The following SYT11 variants were observed in gnomAD, a reference collection of about 807,000 sequenced individuals.
SYT11 encodes synaptotagmin 11, also known as synaptotagmin-11.
Under a neutral mutation model 30.4 loss-of-function variants are expected in SYT11, and 12 were observed. The ratio of observed to expected loss-of-function variants is 0.39; its 90% CI spans 0.25 to 0.64. The LOEUF is 0.64. SYT11 is among the 30% of genes least tolerant of loss of function. The pLI is 0.45. For missense variants in SYT11, 412 were observed against 552.0 expected (o/e 0.75, Z 2.54); for synonymous variants, 204 against 216.0 (o/e 0.94, Z 0.49).
intron 2 of SYT11, among the ~76,000 whole-genome samples, chr1:155,879,347 G>A (rs1388573776): frequency 6.6e-6 from 1 of 152,070 alleles, no homozygotes; most frequent in Non-Finnish European, 1.5e-5. Context: ...AACCTGGGAG[G>A]CAGAGGTTGC....
intron 2 of SYT11, among the ~76,000 whole-genome samples, chr1:155,871,971 T>C (rs1161064092): frequency 6.6e-6 from 1 of 152,028 alleles, no homozygotes; most frequent in Admixed American, 6.6e-5. Context: ...CCCTGGACCA[T>C]GCCACACTGG....
chr1:155,876,359 C>A (rs1672861195), intron 2 of SYT11, among the ~76,000 whole-genome samples: 1 of 150,596 alleles, frequency 6.6e-6, no homozygotes, highest in Non-Finnish European at 1.5e-5. Context: ...CATTCTCCTG[C>A]CTCAGCCTCC....
At chr1:155,879,752 C>T (rs1672931466) in intron 2 of SYT11, among the ~76,000 whole-genome samples, 1 of 152,238 alleles carries the variant, frequency 6.6e-6, no homozygotes, top group South Asian at 2.1e-4. Flanking sequence ...ATAGTGCGCA[C>T]TATGTGCTGG....
Position 155,881,534 on chromosome 1 carries a change from C to A in SYT11, c.*26C>A. On this transcript the variant is annotated 3_prime_UTR_variant, in exon 4 of 4. Coordinates refer to ENST00000368324, the MANE Select transcript of SYT11 (RefSeq NM_152280.5). ...TCCTGTTCTTCTCTCCTCTAATCCC[C>A]GGGGGCCAAGCTGGGGAGGGATGTG... 2 of 1,558,124 alleles carry A rather than the reference C, an allele frequency of 1.3e-6. No individual in the cohort carries two copies. The highest frequency in any genetic ancestry group is 1.9e-5 in the Admixed American group (1 of 53,776).
Position 155,868,239 on chromosome 1 carries a change from G to T in SYT11, c.309G>T (p.Leu103=), listed in dbSNP as rs773101058. 2 of 1,614,136 alleles carry T rather than the reference G, an allele frequency of 1.2e-6. No individual in the cohort carries two copies. The highest frequency in any genetic ancestry group is 1.7e-6 in the Non-Finnish European group (2 of 1,180,020). ...NLLVDAAEAG[L]LSRDKDPRGP... ...TGGTGGACGCAGCAGAGGCTGGCCT[G>T]CTAAGCCGAGACAAAGATCCCAGGG... Residue 103 remains leucine (L), a synonymous_variant, in exon 2 of 4, where the codon CTG becomes CTT. Coordinates refer to ENST00000368324, the MANE Select transcript of SYT11 (RefSeq NM_152280.5). This position sits in a 1 kb window ranked among gnomAD's most constrained non-coding sequence, Gnocchi z 4.7.
chr1:155,868,714 A>C lies in SYT11; in HGVS notation c.784A>C (p.Met262Leu). The change falls in exon 2 of 4, where the codon ATG becomes CTG. Residue 262 changes from methionine to leucine, a missense_variant. Transcript: ENST00000368324. This position sits in a 1 kb window ranked among gnomAD's most constrained non-coding sequence, Gnocchi z 4.7. ...TCGGGATGATGTCATTGGCGAGGTC[A>C]TGGTGCCACTGGCAGGGGTGGACCC... is the stretch of plus-strand genomic sequence containing the variant. Reference protein sequence around the residue: ...FSRDDVIGEVMVPLAGVDPST... With the variant: ...FSRDDVIGEVLVPLAGVDPST... The C allele has an allele frequency of 6.2e-7, 1 of 1,614,226 alleles. No homozygotes were observed. The highest frequency in any genetic ancestry group is 8.5e-7 in the Non-Finnish European group (1 of 1,180,050).
chr1:155,867,058 G>T (rs1001283200), intron 1 of SYT11, among the ~76,000 whole-genome samples: 5 of 90,436 alleles, frequency 5.5e-5, no homozygotes, highest in African/African-American at 1.5e-4. Flanking sequence ...CATCCTGGAG[G>T]AATACCTTTT....
chr1:155,868,264 G>C lies in SYT11; in HGVS notation c.334G>C (p.Gly112Arg), dbSNP rs1321955420. Residue 112 changes from glycine to arginine, a missense_variant, in exon 2 of 4, where the codon GGG (glycine) becomes CGG (arginine). Gly to Arg is a moderately radical substitution (Grantham distance 125). Transcript: ENST00000368324. This position sits in a 1 kb window ranked among gnomAD's most constrained non-coding sequence, Gnocchi z 4.7. ...GCTAAGCCGAGACAAAGATCCCAGG[G>C]GGCCTAGCTCTGGATCTTGTATAGA... ...GLLSRDKDPRGPSSGSCIDQL... is the reference protein window; with the variant it reads ...GLLSRDKDPRRPSSGSCIDQL... The C allele has an allele frequency of 1.2e-6, 2 of 1,614,078 alleles. No homozygotes were observed. The highest frequency in any genetic ancestry group is 1.7e-6 in the Non-Finnish European group (2 of 1,180,002).
intron 2 of SYT11, among the ~76,000 whole-genome samples, chr1:155,877,720 A>AT (rs1283502318): frequency 6.6e-6 from 1 of 151,374 alleles, no homozygotes; most frequent in African/African-American, 2.4e-5. Context: ...CGCCCGGCTA[A>AT]TTTTTTTGTA....
chr1:155,862,398 C>G (rs1204568742), intron 1 of SYT11, among the ~76,000 whole-genome samples: 2 of 152,144 alleles, frequency 1.3e-5, no homozygotes, highest in Non-Finnish European at 2.9e-5. Flanking sequence ...GTCTTGGTTT[C>G]AGGGAGAGAG....
chr1:155,869,324 G>A (rs1372463803), intron 2 of SYT11, among the ~76,000 whole-genome samples: 1 of 124,632 alleles, frequency 8.0e-6, no homozygotes, highest in African/African-American at 3.0e-5. Flanking sequence ...AGGCTGGAGT[G>A]CAATGGCGCA....
intron 2 of SYT11, among the ~76,000 whole-genome samples, chr1:155,880,129 C>A (rs1672937493): frequency 6.6e-6 from 1 of 152,010 alleles, no homozygotes; most frequent in African/African-American, 2.4e-5. Flanking sequence ...GAGATGGAGG[C>A]TGCAGTGAGC....
chr1:155,883,872 CA>C lies in SYT11; in HGVS notation c.*2365del, dbSNP rs977631619. 1 of 152,202 alleles carries C rather than the reference CA, an allele frequency of 6.6e-6. No homozygotes were observed. Among genetic ancestry groups the C allele is most frequent in the Non-Finnish European group, 1.5e-5 (1 of 68,046 alleles). The allele number at this position is 152,202 out of a possible 1,614,324, so 9.4% of individuals were successfully genotyped here. On this transcript the variant is annotated 3_prime_UTR_variant, in exon 4 of 4. Coordinates refer to ENST00000368324, the MANE Select transcript of SYT11 (RefSeq NM_152280.5). ...CTTGACAATGCAGAGCAATTCTGAG[CA>C]GTCACAAAGCCTACTCTCTGTTCTT... is the stretch of plus-strand genomic sequence containing the variant.
chr1:155,867,639 G>A (rs1672702028), intron 1 of SYT11, among the ~76,000 whole-genome samples: 1 of 152,150 alleles, frequency 6.6e-6, no homozygotes, highest in African/African-American at 2.4e-5. Context: ...CACGTACAGA[G>A]CAGCTTTATG....
chr1:155,866,987 CACACAT>C (rs376353766), intron 1 of SYT11, among the ~76,000 whole-genome samples: 6,939 of 112,462 alleles, frequency 0.062, 186 homozygotes, highest in Non-Finnish European at 0.081. Context: ...CACACACACA[CACACAT>C]ATATATATAT....
chr1:155,861,194 A>C (rs917468058), intron 1 of SYT11, among the ~76,000 whole-genome samples: 4 of 152,226 alleles, frequency 2.6e-5, no homozygotes. Context: ...GTTCTCACTT[A>C]TTCCACAAGG....
intron 1 of SYT11, among the ~76,000 whole-genome samples, chr1:155,867,606 C>T (rs1672701463): frequency 6.6e-6 from 1 of 152,208 alleles, no homozygotes; most frequent in East Asian, 1.9e-4. Flanking sequence ...AACAGGTGCT[C>T]ATGTAAAAAG....
rs1395945145 is a variant in SYT11 at position 155,868,185 on chromosome 1, T to C, written c.255T>C (p.Pro85=). The change falls in exon 2 of 4, where the codon CCT becomes CCC. Residue 85 remains proline, a synonymous_variant. Coordinates refer to ENST00000368324, the MANE Select transcript of SYT11 (RefSeq NM_152280.5). This position sits in a 1 kb window ranked among gnomAD's most constrained non-coding sequence, Gnocchi z 4.7. ...IIKVRRDKDG[P]GREGGRRNLL... ...AAGTGCGGAGAGACAAAGATGGTCC[T>C]GGGAGGGAAGGTGGACGTAGGAACC... is the stretch of plus-strand genomic sequence containing the variant. The C allele has an allele frequency of 6.2e-7, 1 of 1,613,906 alleles. No homozygotes were observed. The highest frequency in any genetic ancestry group is 1.3e-5 in the African/African-American group (1 of 74,852).
chr1:155,863,521 C>T (rs1390140332), intron 1 of SYT11, among the ~76,000 whole-genome samples: 1 of 151,802 alleles, frequency 6.6e-6, no homozygotes, highest in Admixed American at 6.6e-5. Flanking sequence ...GGCATGGTGG[C>T]TTGCACCTGT....
Sources: gnomAD v4.1 joint callset for allele counts (sites outside exome capture counted in the v4.1 genomes callset) on GRCh38, gnomAD v4.1.1 for gene constraint, Gnocchi (gnomAD v3.1) non-coding constraint, MANE v1.5 for transcripts, NCBI Gene and HGNC (gene_info 2026-07-23, HGNC 2026-07-21) for gene names.